Variants in AQR observed in about 807,000 individuals in gnomAD.
AQR encodes the protein aquarius intron-binding spliceosomal factor, also known as RNA helicase aquarius.
A neutral mutation model predicts 180.5 loss-of-function variants in AQR; 61 were observed. The observed-to-expected ratio is 0.34, with a 90% CI of 0.28 to 0.42. AQR has a LOEUF of 0.42. AQR is among the 10% of genes least tolerant of loss of function. The pLI is 1.00. For missense variants in AQR, 1,281 were observed against 1,798.3 expected (o/e 0.71, Z 5.20); for synonymous variants, 551 against 588.8 (o/e 0.94, Z 0.93).
intron 8 of AQR, among the ~76,000 whole-genome samples, chr15:34,939,895 T>A (rs1217571820): frequency 6.6e-6 from 1 of 152,108 alleles, no homozygotes; most frequent in African/African-American, 2.4e-5. Context: ...GGCTTAGAGG[T>A]GAAGTAACTT....
intron 32 of AQR, among the ~76,000 whole-genome samples, chr15:34,866,100 G>A (rs542329170): frequency 2.9e-4 from 44 of 152,168 alleles, no homozygotes; most frequent in Non-Finnish European, 5.4e-4. Flanking sequence ...CAGGAAGTAG[G>A]TTTCCTTGGT....
intron 4 of AQR, among the ~76,000 whole-genome samples, chr15:34,950,121 C>A (rs564493426): frequency 9.6e-6 from 1 of 104,226 alleles, no homozygotes; most frequent in African/African-American, 3.8e-5. Context: ...GATGGAGTCT[C>A]ACTCTGTTGC....
At chr15:34,879,913 T>C (rs1285125674) in intron 27 of AQR, among the ~76,000 whole-genome samples, 1 of 152,146 alleles carries the variant, frequency 6.6e-6, no homozygotes, top group East Asian at 1.9e-4. Flanking sequence ...TGGAGAAGTC[T>C]GGCTCTCTTT....
At chr15:34,962,049 G>A (rs2140509037) in intron 2 of AQR, among the ~76,000 whole-genome samples, 1 of 149,752 alleles carries the variant, frequency 6.7e-6, no homozygotes, top group East Asian at 1.9e-4. Flanking sequence ...TTGAGATGGG[G>A]TCTCACTCTG....
chr15:34,911,789 G>T (rs1188079473), intron 16 of AQR, among the ~76,000 whole-genome samples: 1 of 152,050 alleles, frequency 6.6e-6, no homozygotes, highest in Non-Finnish European at 1.5e-5. Flanking sequence ...AAACTTTTCA[G>T]TTTGATGTGG....
intron 15 of AQR, among the ~76,000 whole-genome samples, chr15:34,917,820 TA>T (rs35092979): frequency 7.0e-4 from 88 of 125,726 alleles, no homozygotes; most frequent in Middle Eastern, 4.0e-3. Context: ...TTGTCTCTAC[TA>T]AAAAAAAAAA....
At chr15:34,927,908 TAAAC>T (rs1211308219) in intron 12 of AQR, among the ~76,000 whole-genome samples, 1 of 152,096 alleles carries the variant, frequency 6.6e-6, no homozygotes, top group Non-Finnish European at 1.5e-5. Flanking sequence ...AACAAGGAAA[TAAAC>T]AAGTCAGTCC....
intron 9 of AQR, among the ~76,000 whole-genome samples, chr15:34,937,496 G>C (rs1003077438): frequency 1.3e-5 from 2 of 152,084 alleles, no homozygotes; most frequent in African/African-American, 4.8e-5. Context: ...TTTTTTAAAA[G>C]CTGTACTTTC....
intron 34 of AQR, among the ~76,000 whole-genome samples, chr15:34,858,739 G>T (rs1277066002): frequency 6.6e-6 from 1 of 152,106 alleles, no homozygotes; most frequent in African/African-American, 2.4e-5. Context: ...GCAAAGGGAC[G>T]GATATACAGA....
At chr15:34,863,098 C>A in intron 32 of AQR, 57 bp from the exon 33 acceptor site, 1 of 1,155,286 alleles carries the variant, frequency 8.7e-7, no homozygotes, top group Non-Finnish European at 1.2e-6. Context: ...ATTTAAGCAG[C>A]TTTTTTTTTT....
rs1228771026 is a variant in AQR, at chr15:34,854,145, T to G, written c.*2647A>C. ...ACTGTTGGCAATGAACTTTCTTAAC[T>G]CAGAATTTTGAAAAAAAAAAAAAAA... On this transcript the variant is annotated 3_prime_UTR_variant, in exon 35 of 35. Coordinates refer to ENST00000156471, the MANE Select transcript of AQR (RefSeq NM_014691.3). 1 of 115,208 alleles carries G rather than the reference T, an allele frequency of 8.7e-6. No homozygotes were observed. The highest frequency in any genetic ancestry group is 1.8e-5 in the Non-Finnish European group (1 of 56,052). The allele number at this position is 115,208 out of a possible 1,614,324, so 7.1% of individuals were successfully genotyped here. A position where few individuals can be genotyped will look rare whatever the true frequency, so the allele number is the denominator to read the frequency against.
intron 34 of AQR, among the ~76,000 whole-genome samples, chr15:34,859,282 A>G (rs1274729676): frequency 6.6e-6 from 1 of 152,202 alleles, no homozygotes; most frequent in East Asian, 1.9e-4. Flanking sequence ...ACAGATGGCA[A>G]ATGACCACAT....
chr15:34,907,235 G>A (rs2140479428), intron 17 of AQR, among the ~76,000 whole-genome samples: 1 of 152,304 alleles, frequency 6.6e-6, no homozygotes, highest in South Asian at 2.1e-4. Context: ...AAAGATGGCT[G>A]AATATATACA....
At chr15:34,937,394 A>G (rs1482178175) in intron 9 of AQR, among the ~76,000 whole-genome samples, 2 of 152,180 alleles carry the variant, frequency 1.3e-5, no homozygotes, top group Non-Finnish European at 2.9e-5. Flanking sequence ...GATTTACTGC[A>G]TTGGTATCAA....
At chr15:34,947,576 A>C (rs1170729710) in intron 5 of AQR, among the ~76,000 whole-genome samples, 1 of 151,264 alleles carries the variant, frequency 6.6e-6, no homozygotes, top group Non-Finnish European at 1.5e-5. Context: ...AAAAAATAAA[A>C]ATAAACTCCC....
At position 34,884,535 on chromosome 15, in the gene AQR, G is replaced by A. The variant is rs752832946; in HGVS notation, c.3017C>T (p.Thr1006Met). ...CTTGAGAATCCTTACCTCAAGCTGC[G>A]TAAAGATTTTCTTAATATGCCTGAA... ...GCFRHIKKIF[T>M]QLEEFRASEL... is the part of the protein sequence containing the mutation. Residue 1006 changes from threonine to methionine, a missense_variant, in exon 26 of 35, where the codon ACG becomes ATG. By Grantham distance (81) the Thr-to-Met change is moderately conservative (BLOSUM62 -1). Around this residue, in one of 9 missense-constraint regions of AQR, gnomAD observed 125 missense variants for 185.0 expected, o/e 0.68. Transcript: ENST00000156471. 1.4e-5 allele frequency: 22 copies of A among 1,588,856 alleles called. No individual in the cohort carries two copies. The highest frequency in any genetic ancestry group is 2.0e-4 in the Middle Eastern group (1 of 4,976).
intron 27 of AQR, among the ~76,000 whole-genome samples, chr15:34,877,956 G>C (rs527401194): frequency 3.9e-5 from 6 of 152,294 alleles, no homozygotes; most frequent in African/African-American, 7.2e-5. Flanking sequence ...TGCTAGGATA[G>C]GGTCAGGGTG....
At chr15:34,907,121 T>A (rs1893430342) in intron 17 of AQR, among the ~76,000 whole-genome samples, 1 of 152,196 alleles carries the variant, frequency 6.6e-6, no homozygotes, top group African/African-American at 2.4e-5. Context: ...AAACTATCTA[T>A]CAGTGTCATT....
At chr15:34,928,382 T>C (rs1438170613) in intron 12 of AQR, among the ~76,000 whole-genome samples, 1 of 152,136 alleles carries the variant, frequency 6.6e-6, no homozygotes, top group African/African-American at 2.4e-5. Flanking sequence ...GTGTGTGTTG[T>C]TTCCTTCTCT....
Sources: allele counts gnomAD v4.1 joint callset (sites outside exome capture counted in the v4.1 genomes callset), GRCh38; gene constraint gnomAD v4.1.1; regional missense constraint gnomAD v4.1.1; transcripts MANE v1.5; gene names NCBI Gene and HGNC (gene_info 2026-07-23, HGNC 2026-07-21).